IGSF10: variants seen among roughly 807,000 people sequenced by gnomAD.
IGSF10 encodes the protein calvaria mechanical force protein 608.
A neutral mutation model predicts 128.2 loss-of-function variants in IGSF10; 126 were observed. The observed-to-expected ratio is 0.98, with a 90% confidence interval of 0.85 to 1.14. IGSF10 has a LOEUF of 1.14. IGSF10 is among the 50% of genes most tolerant of loss of function. The pLI, the probability that IGSF10 is intolerant of heterozygous loss-of-function variation, is 0.00. For missense variants in IGSF10, 3,295 were observed against 3,149.8 expected (o/e 1.05, Z -1.10); for synonymous variants, 1,185 against 1,146.2 (o/e 1.03, Z -0.68).
At chr3:151,544,275 A>G in the IGSF10 span, among the ~76,000 whole-genome samples, 5 of 152,294 alleles carry the variant, frequency 3.3e-5, no homozygotes, top group South Asian at 1.0e-3. Context: ...CTAGGAGAAC[A>G]TTCTGCAGGG....
At chr3:151,547,535 T>C in the IGSF10 span, among the ~76,000 whole-genome samples, 958 of 152,210 alleles carry the variant, frequency 6.3e-3, 10 homozygotes, top group African/African-American at 0.022. Flanking sequence ...ATTAATATCA[T>C]GTTTGTGAAA....
chr3:151,514,228 A>C, the IGSF10 span, among the ~76,000 whole-genome samples: 5 of 151,994 alleles, frequency 3.3e-5, no homozygotes, highest in Non-Finnish European at 7.4e-5. Flanking sequence ...ACTATACTAC[A>C]AGGTTACAGT....
At chr3:151,533,681 G>C in the IGSF10 span, among the ~76,000 whole-genome samples, 1 of 152,096 alleles carries the variant, frequency 6.6e-6, no homozygotes, top group Non-Finnish European at 1.5e-5. Context: ...TTACACGTAA[G>C]ACCTAAAACC....
the IGSF10 span, among the ~76,000 whole-genome samples, chr3:151,573,582 T>C: frequency 2.6e-5 from 4 of 152,214 alleles, no homozygotes; most frequent in African/African-American, 9.7e-5. Context: ...ATTTGCTTGG[T>C]AGATCTTCCT....
At chr3:151,543,878 C>T in the IGSF10 span, among the ~76,000 whole-genome samples, 1 of 152,124 alleles carries the variant, frequency 6.6e-6, no homozygotes, top group Non-Finnish European at 1.5e-5. Flanking sequence ...TCCCCCAACT[C>T]CCTACCCCTA....
chr3:151,456,992 T>A (rs751338227), intron 4 of IGSF10, 34 bp downstream of exon 4: 1 of 1,613,172 alleles, frequency 6.2e-7, no homozygotes, highest in South Asian at 1.1e-5. Flanking sequence ...CCACCTTACC[T>A]CTTTAACCTG....
chr3:151,557,375 TC>T, the IGSF10 span, among the ~76,000 whole-genome samples: 2 of 152,126 alleles, frequency 1.3e-5, no homozygotes, highest in South Asian at 4.1e-4. Context: ...ACTCCAGTCT[TC>T]CTTCCTGTGA....
At chr3:151,514,977 G>A in the IGSF10 span, among the ~76,000 whole-genome samples, 2 of 152,186 alleles carry the variant, frequency 1.3e-5, no homozygotes, top group Non-Finnish European at 2.9e-5. Flanking sequence ...AACAGGTGCT[G>A]GAGAGGATGT....
At chr3:151,539,765 C>CATCT in the IGSF10 span, among the ~76,000 whole-genome samples, 16,005 of 146,524 alleles carry the variant, frequency 0.11, 867 homozygotes, top group Middle Eastern at 0.15. Flanking sequence ...ATTTCAACAG[C>CATCT]ATCTATCTAT....
the IGSF10 span, among the ~76,000 whole-genome samples, chr3:151,541,810 G>A: frequency 6.6e-6 from 1 of 151,960 alleles, no homozygotes; most frequent in East Asian, 1.9e-4. Context: ...GTATGTCTGG[G>A]GCCCAAGCTA....
At chr3:151,608,996 G>A in the IGSF10 span, among the ~76,000 whole-genome samples, 1 of 152,160 alleles carries the variant, frequency 6.6e-6, no homozygotes, top group African/African-American at 2.4e-5. Context: ...GGGTTGGGAA[G>A]TAATCAAGTC....
At position 151,437,267 on chromosome 3, in the gene IGSF10, G is replaced by T. The variant is rs377460296; in HGVS notation, c.7294C>A (p.Pro2432Thr). 211 of 1,614,012 alleles carry T rather than the reference G, an allele frequency of 1.3e-4. No homozygotes were observed. Among genetic ancestry groups the T allele is most frequent in the Non-Finnish European group, 1.7e-4 (200 of 1,180,026 alleles). ...KLVILEIGQK[P>T]VILTYAPGTV... ...CCTGGTGCATAGGTAAGAATAACTG[G>T]CTTCTGGCCAATTTCTAATATGACT... Residue 2432 changes from proline to threonine, a missense_variant, in exon 8 of 8, where the codon CCA becomes ACA. Coordinates refer to ENST00000282466, the MANE Select transcript of IGSF10 (RefSeq NM_178822.5).
intron 5 of IGSF10, among the ~76,000 whole-genome samples, chr3:151,450,347 G>A (rs1024531025): frequency 1.3e-5 from 2 of 152,120 alleles, no homozygotes; most frequent in African/African-American, 4.8e-5. Context: ...CTTAACAAAA[G>A]CATTGTACTT....
the IGSF10 span, among the ~76,000 whole-genome samples, chr3:151,598,110 T>TGA: frequency 0.14 from 20,371 of 148,540 alleles, 1,765 homozygotes; most frequent in Non-Finnish European, 0.16. Flanking sequence ...TGTGTGTGTG[T>TGA]GAATACTTCA....
At chr3:151,618,326 A>G in the IGSF10 span, among the ~76,000 whole-genome samples, 1 of 152,216 alleles carries the variant, frequency 6.6e-6, no homozygotes, top group Non-Finnish European at 1.5e-5. Flanking sequence ...AGTCTATGTT[A>G]TATTTGTTAC....
the IGSF10 span, among the ~76,000 whole-genome samples, chr3:151,496,112 A>G: frequency 6.6e-6 from 1 of 152,082 alleles, no homozygotes; most frequent in Non-Finnish European, 1.5e-5. Context: ...ACGGGAGGAT[A>G]CACTCCTTCT....
chr3:151,506,647 T>C, the IGSF10 span, among the ~76,000 whole-genome samples: 1 of 152,148 alleles, frequency 6.6e-6, no homozygotes, highest in South Asian at 2.1e-4. Flanking sequence ...AATGTAGGCC[T>C]AAATTCCTTT....
At chr3:151,554,922 C>G in the IGSF10 span, among the ~76,000 whole-genome samples, 1 of 152,136 alleles carries the variant, frequency 6.6e-6, no homozygotes, top group Admixed American at 6.6e-5. Flanking sequence ...ATTTTAACCA[C>G]TAAGTTTTGG....
chr3:151,479,003 TA>T, the IGSF10 span, among the ~76,000 whole-genome samples: 1 of 152,192 alleles, frequency 6.6e-6, no homozygotes, highest in Non-Finnish European at 1.5e-5. Flanking sequence ...CACTCTCAGG[TA>T]AATAGTGTTT....
Sources: allele counts gnomAD v4.1 joint callset (sites outside exome capture counted in the v4.1 genomes callset), GRCh38; gene constraint gnomAD v4.1.1; transcripts MANE v1.5; gene names NCBI Gene and HGNC (gene_info 2026-07-23, HGNC 2026-07-21).